Variants in MBD5 observed in about 807,000 individuals in gnomAD.
The protein encoded by MBD5 is methyl-CpG binding domain protein 5.
MBD5 carries 13 observed loss-of-function variants against 117.3 expected under a neutral mutation model. The observed-to-expected ratio is 0.11, with a 90% confidence interval of 0.07 to 0.18. The LOEUF is 0.18. Ranked by LOEUF, MBD5 falls within the 10% of genes least tolerant of loss-of-function variation. The pLI is 1.00. For missense variants in MBD5, 1,879 were observed against 2,093.8 expected (o/e 0.90, Z 2.00); for synonymous variants, 727 against 766.4 (o/e 0.95, Z 0.85).
chr2:148,348,527 T>A lies in MBD5; in HGVS notation c.-557+6191T>A, dbSNP rs148338934. Among the ~76,000 whole-genome samples the A allele has an allele frequency of 2.5e-4, 38 of 152,170 alleles. No individual in the cohort carries two copies. In the East Asian group the frequency reaches 7.4e-3, roughly 29 times the overall value. Reference sequence around the variant, plus strand: ...TTCAATGAAGTCACACCGAATAAATTGCTGCTACATAAATTATAGGCTTGG... The same window carrying A: ...TTCAATGAAGTCACACCGAATAAATAGCTGCTACATAAATTATAGGCTTGG... On this transcript the variant is annotated intron_variant, in intron 4 of 13. Coordinates refer to ENST00000642680, the MANE Select transcript of MBD5 (RefSeq NM_001378120.1).
In MBD5 at chr2:148,490,126, G is replaced by A. The variant is rs770573497; in HGVS notation, c.4494G>A (p.Arg1498=). The A allele has an allele frequency of 1.2e-5, 20 of 1,613,922 alleles. No homozygotes were observed. In the East Asian group the frequency reaches 4.5e-4, roughly 36 times the overall value. The change falls in exon 11 of 14, where the codon AGG becomes AGA. Residue 1498 remains arginine (R), a synonymous_variant. Coordinates refer to ENST00000642680, the MANE Select transcript of MBD5 (RefSeq NM_001378120.1). Reference sequence around the variant, plus strand: ...ATAAAATTCTAGAGGAAAATTTCAGGTATAATAACTACAAAAGAACTATGA... The same window carrying A: ...ATAAAATTCTAGAGGAAAATTTCAGATATAATAACTACAAAAGAACTATGA... ...PGDKILEENF[R]YNNYKRTMMS... is the part of the protein sequence containing the mutation.
At chr2:148,316,160 A>G (rs1336280985) in intron 3 of MBD5, among the ~76,000 whole-genome samples, 1 of 152,090 alleles carries the variant, frequency 6.6e-6, no homozygotes, top group African/African-American at 2.4e-5. Flanking sequence ...CCATGATCCA[A>G]TCACCTCCTA....
intron 1 of MBD5, among the ~76,000 whole-genome samples, chr2:148,060,379 A>T (rs1695002232): frequency 1.4e-5 from 2 of 142,798 alleles, no homozygotes; most frequent in African/African-American, 5.3e-5. Context: ...TATGTTTTGT[A>T]AAAAAAAAAA....
At chr2:148,051,478 C>T (rs1245567715) in intron 1 of MBD5, among the ~76,000 whole-genome samples, 1 of 151,136 alleles carries the variant, frequency 6.6e-6, no homozygotes, top group African/African-American at 2.4e-5. Context: ...GAGGTGTGAG[C>T]AGACATCCTT....
At chr2:148,316,525 A>G (rs929220720) in intron 3 of MBD5, among the ~76,000 whole-genome samples, 1 of 152,166 alleles carries the variant, frequency 6.6e-6, no homozygotes, top group Non-Finnish European at 1.5e-5. Flanking sequence ...CAGTAATATA[A>G]CATTATAACC....
intron 4 of MBD5, among the ~76,000 whole-genome samples, chr2:148,375,211 A>C (rs1452887208): frequency 1.3e-5 from 2 of 152,232 alleles, no homozygotes; most frequent in African/African-American, 4.8e-5. Context: ...AATTTAGGAA[A>C]GAAATTTTTT....
At chr2:148,423,111 C>T (rs1249637367) in intron 4 of MBD5, among the ~76,000 whole-genome samples, 1 of 152,030 alleles carries the variant, frequency 6.6e-6, no homozygotes, top group Non-Finnish European at 1.5e-5. Context: ...AGAAGAGCAA[C>T]CCCAAGACAC....
At chr2:148,433,816 TTTGTTGTGTGTCTGCCAGC>T (rs1463471167) in intron 4 of MBD5, among the ~76,000 whole-genome samples, 1 of 152,142 alleles carries the variant, frequency 6.6e-6, no homozygotes, top group Non-Finnish European at 1.5e-5. Context: ...GTTTTCTTTT[TTTGTTGTGTGTCTGCCAGC>T]TTTTGTTGTC....
intron 4 of MBD5, among the ~76,000 whole-genome samples, chr2:148,356,787 T>C (rs1703391747): frequency 6.6e-6 from 1 of 152,166 alleles, no homozygotes; most frequent in South Asian, 2.1e-4. Flanking sequence ...CCTTGGGAAC[T>C]GCTCTTCCAG....
intron 3 of MBD5, among the ~76,000 whole-genome samples, chr2:148,340,837 T>TACACACAC (rs141965837): frequency 7.3e-4 from 104 of 142,558 alleles, no homozygotes; most frequent in East Asian, 2.7e-3. Flanking sequence ...AAACCACACA[T>TACACACAC]ACACACACAC....
intron 3 of MBD5, among the ~76,000 whole-genome samples, chr2:148,281,411 T>G (rs1217694531): frequency 1.3e-5 from 2 of 152,136 alleles, no homozygotes; most frequent in East Asian, 3.8e-4. Flanking sequence ...TCCAAGAATT[T>G]TTGTCATTTT....
intron 4 of MBD5, among the ~76,000 whole-genome samples, chr2:148,412,896 C>T (rs34280527): frequency 0.011 from 1,665 of 151,972 alleles, 14 homozygotes; most frequent in African/African-American, 0.035. Context: ...AAAATCATAT[C>T]GTCTGCAAAC....
intron 3 of MBD5, among the ~76,000 whole-genome samples, chr2:148,300,035 A>G (rs920878751): frequency 1.3e-5 from 2 of 152,024 alleles, no homozygotes; most frequent in Non-Finnish European, 2.9e-5. Context: ...GTACATACCT[A>G]TTGAATAAGT....
At chr2:148,276,835 A>G (rs1701125349) in intron 3 of MBD5, among the ~76,000 whole-genome samples, 1 of 152,094 alleles carries the variant, frequency 6.6e-6, no homozygotes, top group East Asian at 1.9e-4. Flanking sequence ...TATATGTATG[A>G]TGACTTTTCT....
intron 1 of MBD5, among the ~76,000 whole-genome samples, chr2:148,145,033 T>G (rs925095508): frequency 1.3e-5 from 2 of 152,370 alleles, no homozygotes; most frequent in Non-Finnish European, 1.5e-5. Flanking sequence ...ATAAATTACC[T>G]TGGGCAGTAT....
chr2:148,178,656 C>G (rs1229087481), intron 1 of MBD5, 44 bp from the exon 2 acceptor site: 1 of 396,778 alleles, frequency 2.5e-6, no homozygotes, highest in African/African-American at 2.1e-5. Flanking sequence ...GAAGCAATAT[C>G]TATAATCTCA....
chr2:148,107,353 G>A (rs1267404469), intron 1 of MBD5, among the ~76,000 whole-genome samples: 1 of 151,840 alleles, frequency 6.6e-6, no homozygotes. Flanking sequence ...TGTACAGTGT[G>A]TATTCTTTTT....
chr2:148,339,250 C>T (rs1702877373), intron 3 of MBD5, among the ~76,000 whole-genome samples: 1 of 152,140 alleles, frequency 6.6e-6, no homozygotes, highest in African/African-American at 2.4e-5. Context: ...CATCTCAATA[C>T]ATGATCTAAA....
chr2:148,038,010 T>C (rs1558897356), intron 1 of MBD5, among the ~76,000 whole-genome samples: 1 of 152,036 alleles, frequency 6.6e-6, no homozygotes, highest in East Asian at 1.9e-4. Context: ...AAGCATTAAT[T>C]TTTCATTCTC....
Sources: gnomAD v4.1 joint callset for allele counts (sites outside exome capture counted in the v4.1 genomes callset) on GRCh38, gnomAD v4.1.1 for gene constraint, MANE v1.5 for transcripts, NCBI Gene and HGNC (gene_info 2026-07-23, HGNC 2026-07-21) for gene names.